CTTNBP2: variants seen among roughly 807,000 people sequenced by gnomAD.
CTTNBP2 encodes the protein cortactin-binding protein 2.
Under a neutral mutation model 156.9 loss-of-function variants are expected in CTTNBP2, and 108 were observed. That is an observed-to-expected ratio of 0.69 (90% CI 0.59 to 0.81). The LOEUF is 0.81. Ranked by LOEUF, CTTNBP2 falls within the 30% of genes least tolerant of loss-of-function variation. CTTNBP2 has a pLI of 0.00. For synonymous variants in CTTNBP2, 767 were observed against 751.8 expected (o/e 1.02, Z -0.33); for missense variants, 1,924 against 2,035.4 (o/e 0.95, Z 1.05).
At chr7:117,748,694 T>C (rs10242695) in intron 12 of CTTNBP2, among the ~76,000 whole-genome samples, 33,963 of 152,208 alleles carry the variant, frequency 0.22, 4,152 homozygotes, top group African/African-American at 0.23. Flanking sequence ...GACTCTACTA[T>C]GACTTTCTTG....
intron 2 of CTTNBP2, among the ~76,000 whole-genome samples, chr7:117,837,429 C>T (rs534595474): frequency 3.9e-5 from 6 of 152,306 alleles, no homozygotes; most frequent in African/African-American, 1.2e-4. Context: ...ACCTTCTCTG[C>T]TCTCTCTTCC....
At chr7:117,728,344 A>G in intron 16 of CTTNBP2, 77 bp from the exon 17 acceptor site, 3 of 1,074,678 alleles carry the variant, frequency 2.8e-6, no homozygotes, top group Non-Finnish European at 4.1e-6. Flanking sequence ...TTAAAAATAT[A>G]AAACTTTAAA....
At chr7:117,716,706 T>C (rs965483665) in intron 22 of CTTNBP2, among the ~76,000 whole-genome samples, 1 of 152,182 alleles carries the variant, frequency 6.6e-6, no homozygotes, top group Non-Finnish European at 1.5e-5. Flanking sequence ...TTGAAAGCCA[T>C]GCTTTTCTTC....
In CTTNBP2 at chr7:117,788,307, T is replaced by A. The variant is rs188925381; in HGVS notation, c.2068+2821A>T. On this transcript the variant is annotated intron_variant, in intron 4 of 22. Coordinates refer to ENST00000160373, the MANE Select transcript of CTTNBP2 (RefSeq NM_033427.3). The stretch of plus-strand genomic sequence containing the variant: ...GTTTTTAAATGAAAAAGCTAATGGC[T>A]CAGAGGGAATTAGCTCTCTAGGGTG... Among the ~76,000 whole-genome samples, 3 of 152,314 alleles carry A rather than the reference T, an allele frequency of 2.0e-5. No homozygotes were observed. In the East Asian group the frequency reaches 5.8e-4, roughly 29 times the overall value.
intron 7 of CTTNBP2, 127 bp from the exon 8 acceptor site, chr7:117,777,892 A>G: frequency 1.2e-6 from 1 of 838,370 alleles, no homozygotes; most frequent in East Asian, 2.4e-5. Context: ...AGGCATTCCA[A>G]TCCTGAACAT....
intron 19 of CTTNBP2, among the ~76,000 whole-genome samples, chr7:117,722,828 T>C (rs1283069175): frequency 1.3e-5 from 2 of 152,192 alleles, no homozygotes; most frequent in African/African-American, 4.8e-5. Context: ...TGTTGTGGAC[T>C]ACAGAAAATA....
chr7:117,721,018 CTTGAT>C lies in CTTNBP2; in HGVS notation c.4511+44_4511+48del, dbSNP rs1197173206. On this transcript the variant is annotated intron_variant, in intron 20 of 22. Coordinates refer to ENST00000160373, the MANE Select transcript of CTTNBP2 (RefSeq NM_033427.3). ...ACATTTAAAATAGTAATTGAAGTTA[CTTGAT>C]TTATCTTTGTTTGCTGTGAGTTAAA... is the stretch of plus-strand genomic sequence containing the variant. 10 of 1,122,368 alleles carry C rather than the reference CTTGAT, an allele frequency of 8.9e-6. No homozygotes were observed. In the African/African-American group the frequency reaches 1.4e-4, roughly 16 times the overall value. 69.5% of individuals were successfully genotyped at this position (1,122,368 alleles called of 1,614,324 possible).
chr7:117,766,088 A>G (rs574492514), intron 9 of CTTNBP2, among the ~76,000 whole-genome samples: 1 of 152,296 alleles, frequency 6.6e-6, no homozygotes, highest in East Asian at 1.9e-4. Context: ...CAGCATTTAC[A>G]TTCCATAATA....
intron 6 of CTTNBP2, among the ~76,000 whole-genome samples, chr7:117,781,908 G>A (rs1237618191): frequency 6.6e-6 from 1 of 152,190 alleles, no homozygotes; most frequent in African/African-American, 2.4e-5. Context: ...CCTTTTGAAG[G>A]AGTCAGGATA....
chr7:117,831,457 T>C (rs1360609764), intron 2 of CTTNBP2, among the ~76,000 whole-genome samples: 3 of 152,094 alleles, frequency 2.0e-5, no homozygotes, highest in Admixed American at 1.3e-4. Flanking sequence ...AAGTTTAGAA[T>C]GTCCACCTTG....
rs907440101 is a variant in CTTNBP2 at position 117,760,994 on chromosome 7, TA to T, written c.2897-285del. ...TCCCATCAGCAAGATTGTCAAGTTT[TA>T]AAAAAAAAAATCTGAAAGAACTATA... On this transcript the variant is annotated intron_variant, in intron 9 of 22. Transcript: ENST00000160373. Among the ~76,000 whole-genome samples, 136 of 148,736 alleles carry T rather than the reference TA, an allele frequency of 9.1e-4. No individual in the cohort carries two copies. In the Middle Eastern group the frequency reaches 0.01, roughly 11 times the overall value.
chr7:117,840,142 A>G (rs186654222), intron 2 of CTTNBP2, among the ~76,000 whole-genome samples: 1 of 152,364 alleles, frequency 6.6e-6, no homozygotes, highest in Admixed American at 6.5e-5. Flanking sequence ...GTACAAAACC[A>G]TAACTGAGCA....
intron 4 of CTTNBP2, among the ~76,000 whole-genome samples, chr7:117,785,932 T>G (rs1798681157): frequency 3.3e-5 from 5 of 152,216 alleles, no homozygotes; most frequent in Admixed American, 3.3e-4. Flanking sequence ...TGTGGTAATA[T>G]CCCTTTAGTA....
chr7:117,832,052 G>T lies in CTTNBP2; in HGVS notation c.190-21063C>A, dbSNP rs188585938. On this transcript the variant is annotated intron_variant, in intron 2 of 22. Coordinates refer to ENST00000160373, the MANE Select transcript of CTTNBP2 (RefSeq NM_033427.3). ...CAACAAGCCCCCTGAAACTCAACAA[G>T]AATTAAACTGAACTCTTCATCTTTC... Among the ~76,000 whole-genome samples, 119 of 152,040 alleles carry T rather than the reference G, an allele frequency of 7.8e-4. 1 individual carries two copies. The highest frequency in any genetic ancestry group is 2.7e-3 in the African/African-American group (112 of 41,454).
rs999727253 is a variant in CTTNBP2 at position 117,852,149 on chromosome 7, G to A, written c.189+9060C>T. On this transcript the variant is annotated intron_variant, in intron 2 of 22. Transcript: ENST00000160373. ...ACCCTGGCTTACATAATCTACCCTC[G>A]CAAATTCACTTCAACTTTTATTGAT... Among the ~76,000 whole-genome samples, 8 of 151,660 alleles carry A rather than the reference G, an allele frequency of 5.3e-5. No homozygotes were observed. The South Asian group carries it at 1.0e-3, about 20-fold the overall frequency.
intron 4 of CTTNBP2, among the ~76,000 whole-genome samples, chr7:117,785,487 A>G (rs1462406036): frequency 6.6e-6 from 1 of 152,220 alleles, no homozygotes; most frequent in African/African-American, 2.4e-5. Context: ...ATTGTTGTGC[A>G]TATGTACATA....
intron 7 of CTTNBP2, among the ~76,000 whole-genome samples, chr7:117,778,429 A>C (rs116295462): frequency 8.5e-4 from 130 of 152,312 alleles, no homozygotes; most frequent in African/African-American, 3.0e-3. Flanking sequence ...ATTATTTTGG[A>C]GCCTCTATTA....
intron 3 of CTTNBP2, among the ~76,000 whole-genome samples, chr7:117,796,525 G>A (rs1022294602): frequency 2.0e-5 from 3 of 152,154 alleles, no homozygotes; most frequent in African/African-American, 7.2e-5. Context: ...TTCTGATCCC[G>A]AACTTACTAG....
chr7:117,780,346 C>A, intron 7 of CTTNBP2, 95 bp downstream of exon 7: 1 of 818,410 alleles, frequency 1.2e-6, no homozygotes, highest in Non-Finnish European at 1.8e-6. Flanking sequence ...AATAAAGCAA[C>A]CTCTATTTTA....
Sources: allele counts gnomAD v4.1 joint callset (sites outside exome capture counted in the v4.1 genomes callset), GRCh38; gene constraint gnomAD v4.1.1; transcripts MANE v1.5; gene names NCBI Gene and HGNC (gene_info 2026-07-23, HGNC 2026-07-21).